METTL15: variants seen among roughly 807,000 people sequenced by gnomAD.
METTL15 encodes the protein 12S rRNA N(4)-cytidine methyltransferase METTL15.
Under a neutral mutation model 38.3 loss-of-function variants are expected in METTL15, and 34 were observed. That is an observed-to-expected ratio of 0.89 (90% CI 0.68 to 1.18). The LOEUF (loss-of-function observed/expected upper bound fraction) is 1.18, where lower values mean the gene tolerates loss of function less well. Ranked by LOEUF, METTL15 falls within the 50% of genes most tolerant of loss-of-function variation. The probability of loss-of-function intolerance (pLI) is 0.00; values close to 1 mark genes in which losing one functional copy is unlikely to be tolerated. For synonymous variants in METTL15, 162 were observed against 170.9 expected, an observed-to-expected ratio of 0.95 and a Z score of 0.41; for missense variants, 438 against 498.4, an observed-to-expected ratio of 0.88 and a Z score of 1.15.
In METTL15 at chr11:28,297,040, A is replaced by T. The variant is rs1037971677; in HGVS notation, c.778+109A>T. The T allele has an allele frequency of 2.8e-6, 3 of 1,076,088 alleles. No homozygotes were observed. In the African/African-American group the frequency reaches 4.7e-5, roughly 17 times the overall value. 66.7% of individuals were successfully genotyped at this position (1,076,088 alleles called of 1,614,324 possible). A position where few individuals can be genotyped will look rare whatever the true frequency, so the allele number is the denominator to read the frequency against. On this transcript the variant is annotated intron_variant, in intron 6 of 6. Coordinates refer to ENST00000407364, the MANE Select transcript of METTL15 (RefSeq NM_001113528.2). Reference sequence around the variant, plus strand: ...ACATGTGTGTGTGCATTAATCCCCCAGACTCCCTGAGGGATTCATTTGTAC... The same window carrying T: ...ACATGTGTGTGTGCATTAATCCCCCTGACTCCCTGAGGGATTCATTTGTAC...
chr11:28,187,813 C>A (rs2133796340), intron 3 of METTL15, among the ~76,000 whole-genome samples: 1 of 150,578 alleles, frequency 6.6e-6, no homozygotes, highest in Admixed American at 6.6e-5. Context: ...CAAATGGTAA[C>A]AACAAAAAGT....
intron 6 of METTL15, among the ~76,000 whole-genome samples, chr11:28,508,347 A>T (rs1206936327): frequency 6.6e-6 from 1 of 152,200 alleles, no homozygotes; most frequent in Non-Finnish European, 1.5e-5. Flanking sequence ...TCTGTTATAT[A>T]ATAGCTGCCT....
intron 3 of METTL15, among the ~76,000 whole-genome samples, chr11:28,128,866 T>C (rs1852616773): frequency 6.6e-6 from 1 of 152,240 alleles, no homozygotes; most frequent in Admixed American, 6.5e-5. Context: ...GTGGTACTAA[T>C]GGTGTTTTAG....
rs1406035017 is a variant in METTL15 at position 28,331,931 on chromosome 11, TTC to T, written c.*1094_*1095del. 2.0e-5 allele frequency: 3 copies of T among 152,144 alleles called. No individual in the cohort carries two copies. The highest frequency in any genetic ancestry group is 4.4e-5 in the Non-Finnish European group (3 of 68,000). 9.4% of individuals were successfully genotyped at this position (152,144 alleles called of 1,614,324 possible). A position where few individuals can be genotyped will look rare whatever the true frequency, so the allele number is the denominator to read the frequency against. On this transcript the variant is annotated 3_prime_UTR_variant, in exon 7 of 7. Transcript: ENST00000407364. ...GATTAACCATACATAGAAATAAATA[TTC>T]TCTTAGTTATCCTTGAAATCATATT...
intron 6 of METTL15, among the ~76,000 whole-genome samples, chr11:28,485,216 G>C (rs1851428896): frequency 6.7e-6 from 1 of 150,350 alleles, no homozygotes; most frequent in African/African-American, 2.4e-5. Flanking sequence ...AAGACTAACT[G>C]TGTCTAACTT....
At chr11:28,109,226 A>G (rs1001267906) in intron 1 of METTL15, among the ~76,000 whole-genome samples, 2 of 152,190 alleles carry the variant, frequency 1.3e-5, no homozygotes, top group African/African-American at 2.4e-5. Context: ...GATGCATGTT[A>G]TATTATTGTT....
At chr11:28,312,653 G>A (rs952911103) in intron 6 of METTL15, among the ~76,000 whole-genome samples, 5 of 152,252 alleles carry the variant, frequency 3.3e-5, no homozygotes, top group Admixed American at 6.5e-5. Context: ...AATGTATTTG[G>A]TTCATGGTTC....
intron 3 of METTL15, among the ~76,000 whole-genome samples, chr11:28,115,974 C>T (rs1207003431): frequency 2.7e-5 from 4 of 149,828 alleles, no homozygotes; most frequent in Admixed American, 1.3e-4. Flanking sequence ...ACAACCCTAC[C>T]GATTTTGGAT....
At chr11:28,411,237 G>GA (rs1284790556) in intron 5 of METTL15, among the ~76,000 whole-genome samples, 1 of 151,626 alleles carries the variant, frequency 6.6e-6, no homozygotes, top group Non-Finnish European at 1.5e-5. Flanking sequence ...CACAGAAAAA[G>GA]AAAAAATTCT....
chr11:28,138,288 G>A (rs1488256332), intron 3 of METTL15, among the ~76,000 whole-genome samples: 1 of 152,108 alleles, frequency 6.6e-6, no homozygotes, highest in Admixed American at 6.5e-5. Flanking sequence ...AGAAAAACAA[G>A]ATCCATGAAG....
intron 3 of METTL15, among the ~76,000 whole-genome samples, chr11:28,191,652 T>TG: frequency 6.6e-6 from 1 of 151,594 alleles, no homozygotes; most frequent in East Asian, 1.9e-4. Flanking sequence ...AAGCAAGTGG[T>TG]GATATATTAT....
At chr11:28,162,618 T>C (rs1850505745) in intron 3 of METTL15, among the ~76,000 whole-genome samples, 1 of 152,122 alleles carries the variant, frequency 6.6e-6, no homozygotes, top group Non-Finnish European at 1.5e-5. Flanking sequence ...AAAAATGTAT[T>C]GAATATACTT....
At chr11:28,375,854 C>A (rs1452305245) in intron 5 of METTL15, among the ~76,000 whole-genome samples, 1 of 151,590 alleles carries the variant, frequency 6.6e-6, no homozygotes, top group Non-Finnish European at 1.5e-5. Context: ...CCCAGAGATT[C>A]TGGTATGTTG....
intron 6 of METTL15, among the ~76,000 whole-genome samples, chr11:28,478,603 G>A (rs958624832): frequency 1.3e-5 from 2 of 152,052 alleles, no homozygotes; most frequent in African/African-American, 4.8e-5. Flanking sequence ...CCCCGCTTTT[G>A]ATGCTTGGGA....
chr11:28,525,966 C>T lies in METTL15; in HGVS notation c.*425-512C>T, dbSNP rs563933065. ...GCCCCAAGGGGAGGCAGCTAAGGCC[C>T]GGCGAGAAATTGAGCACAGCGCTGG... is the stretch of plus-strand genomic sequence containing the variant. On this transcript the variant is annotated intron_variant and NMD_transcript_variant, in intron 6 of 7. Transcript: ENST00000532947. Among the ~76,000 whole-genome samples, 7 of 152,314 alleles carry T rather than the reference C, an allele frequency of 4.6e-5. No individual in the cohort carries two copies. In the East Asian group the frequency reaches 1.4e-3, roughly 29 times the overall value.
intron 3 of METTL15, among the ~76,000 whole-genome samples, chr11:28,183,942 A>T (rs1851394158): frequency 6.6e-6 from 1 of 151,892 alleles, no homozygotes; most frequent in South Asian, 2.1e-4. Flanking sequence ...AGAACTTGTT[A>T]TTGGTCTATT....
At chr11:28,395,257 G>A (rs553469608) in intron 5 of METTL15, among the ~76,000 whole-genome samples, 2 of 152,162 alleles carry the variant, frequency 1.3e-5, no homozygotes, top group African/African-American at 4.8e-5. Flanking sequence ...GATATTCAGA[G>A]GTGTGCCAGT....
intron 5 of METTL15, among the ~76,000 whole-genome samples, chr11:28,411,602 C>A (rs1360756720): frequency 2.0e-5 from 3 of 150,038 alleles, no homozygotes; most frequent in Non-Finnish European, 4.4e-5. Context: ...GGATAAAAGA[C>A]CTAAATAAAT....
intron 6 of METTL15, among the ~76,000 whole-genome samples, chr11:28,434,789 T>C (rs2133434914): frequency 6.6e-6 from 1 of 152,340 alleles, no homozygotes; most frequent in South Asian, 2.1e-4. Flanking sequence ...TGCAGTCAGC[T>C]GGCAAGTTGA....
Sources: allele counts gnomAD v4.1 joint callset (sites outside exome capture counted in the v4.1 genomes callset), GRCh38; gene constraint gnomAD v4.1.1; transcripts MANE v1.5; gene names NCBI Gene and HGNC (gene_info 2026-07-23, HGNC 2026-07-21).